COG5: variants seen among roughly 807,000 people sequenced by gnomAD.
COG5 encodes the protein conserved oligomeric Golgi complex subunit 5.
Under a neutral mutation model 110.4 loss-of-function variants are expected in COG5, and 86 were observed. That is an observed-to-expected ratio of 0.78 (90% CI 0.65 to 0.93). COG5 has a LOEUF of 0.93. Ranked by LOEUF, COG5 falls within the 40% of genes least tolerant of loss-of-function variation. The probability of loss-of-function intolerance (pLI) is 0.00; values close to 1 mark genes in which losing one functional copy is unlikely to be tolerated. For synonymous variants in COG5, 360 were observed against 334.6 expected, an observed-to-expected ratio of 1.08 and a Z score of -0.83; for missense variants, 1,077 against 987.0, an observed-to-expected ratio of 1.09 and a Z score of -1.22.
At chr7:107,282,662 C>T (rs940240992) in intron 13 of COG5, among the ~76,000 whole-genome samples, 35 of 152,088 alleles carry the variant, frequency 2.3e-4, no homozygotes, top group African/African-American at 7.7e-4. Flanking sequence ...GCTGGGGTTA[C>T]AAGCGTGCAC....
chr7:107,532,773 A>G (rs1223643892), intron 5 of COG5, among the ~76,000 whole-genome samples: 1 of 152,222 alleles, frequency 6.6e-6, no homozygotes, highest in Non-Finnish European at 1.5e-5. Context: ...CAATACACAG[A>G]AAATACCTGA....
rs377430436 is a variant in COG5 at position 107,261,402 on chromosome 7, A to C, written c.1576-3019T>G. ...CATACATTATGGCCCTTTACCCCTA[A>C]ATATTTCAATGTGTGTATTTCCTAA... On this transcript the variant is annotated intron_variant, in intron 14 of 21. Transcript: ENST00000297135. Among the ~76,000 whole-genome samples, 13 of 151,938 alleles carry C rather than the reference A, an allele frequency of 8.6e-5. No homozygotes were observed. The East Asian group carries it at 2.5e-3, about 29-fold the overall frequency.
chr7:107,292,030 C>T (rs1434091183), intron 12 of COG5, among the ~76,000 whole-genome samples: 1 of 152,004 alleles, frequency 6.6e-6, no homozygotes, highest in African/African-American at 2.4e-5. Flanking sequence ...CCTTTCTTTG[C>T]CTTTCTTTTT....
Position 107,510,447 on chromosome 7 carries a change from C to T in COG5, c.538+16790G>A, listed in dbSNP as rs538812807. 1.6e-4 allele frequency among the ~76,000 whole-genome samples: 25 copies of T among 152,232 alleles called. No individual in the cohort carries two copies. In the East Asian group the frequency reaches 1.7e-3, roughly 11 times the overall value. ...GACTTAGACTCCTACACAATAATAA[C>T]GGGAGACTTTAACAACCCACTGTCA... On this transcript the variant is annotated intron_variant, in intron 6 of 21. Transcript: ENST00000297135.
intron 6 of COG5, among the ~76,000 whole-genome samples, chr7:107,486,650 T>C (rs559496826): frequency 1.3e-5 from 2 of 152,192 alleles, no homozygotes; most frequent in South Asian, 4.1e-4. Context: ...ACAAAAACCA[T>C]AATCCCAGGA....
intron 6 of COG5, among the ~76,000 whole-genome samples, chr7:107,521,811 T>G (rs1800337006): frequency 6.6e-6 from 1 of 152,218 alleles, no homozygotes; most frequent in Non-Finnish European, 1.5e-5. Flanking sequence ...TAAATCATTC[T>G]ACTGTAAAGA....
chr7:107,215,597 G>C (rs891503089), intron 19 of COG5, among the ~76,000 whole-genome samples: 4 of 151,944 alleles, frequency 2.6e-5, no homozygotes, highest in Non-Finnish European at 5.9e-5. Context: ...CCGGGAGGCA[G>C]AGTTTGCAGT....
chr7:107,404,223 AT>A (rs1791645429), intron 7 of COG5, among the ~76,000 whole-genome samples: 1 of 152,216 alleles, frequency 6.6e-6, no homozygotes, highest in South Asian at 2.1e-4. Context: ...ATAAGAGAGG[AT>A]CATCAACACT....
At position 107,316,376 on chromosome 7, in the gene COG5, T is replaced by C. The variant is rs542785344; in HGVS notation, c.1108+8064A>G. ...TGACCTTGAAGAAGAAGTTAAGTTA[T>C]CTTCTGAGGCTCAAAGGGAGGAAAT... is the stretch of plus-strand genomic sequence containing the variant. On this transcript the variant is annotated intron_variant, in intron 11 of 21. Transcript: ENST00000297135. 1.7e-4 allele frequency among the ~76,000 whole-genome samples: 26 copies of C among 152,174 alleles called. No homozygotes were observed. The South Asian group carries it at 3.1e-3, about 18-fold the overall frequency.
At chr7:107,424,830 C>T (rs1250271840) in intron 6 of COG5, among the ~76,000 whole-genome samples, 1 of 152,098 alleles carries the variant, frequency 6.6e-6, no homozygotes, top group Admixed American at 6.5e-5. Flanking sequence ...AAGAGCTAAA[C>T]TTGATCACAT....
rs775852402 is a variant in COG5 at position 107,298,329 on chromosome 7, G to C, written c.1126C>G (p.Gln376Glu). 6.2e-7 allele frequency: 1 copy of C among 1,613,068 alleles called. No individual in the cohort carries two copies. Among genetic ancestry groups the C allele is most frequent in the Non-Finnish European group, 8.5e-7 (1 of 1,179,406 alleles). The part of the protein sequence containing the change: ...MATNSSMFLK[Q>E]AFEGEYPKLL... Reference sequence around the variant, plus strand: ...TTAGGGTATTCTCCTTCAAATGCCTGCTTCAAAAACATCGAAGCTGCCAAG... The same window carrying C: ...TTAGGGTATTCTCCTTCAAATGCCTCCTTCAAAAACATCGAAGCTGCCAAG... Residue 376 changes from glutamine (Q) to glutamate (E), a missense_variant, in exon 12 of 22, where the codon CAG becomes GAG. Transcript: ENST00000297135.
intron 6 of COG5, among the ~76,000 whole-genome samples, chr7:107,443,869 T>C (rs1038181963): frequency 6.6e-6 from 1 of 152,214 alleles, no homozygotes; most frequent in Non-Finnish European, 1.5e-5. Context: ...TACCGTCTTC[T>C]AGGTGAGCTA....
intron 18 of COG5, among the ~76,000 whole-genome samples, chr7:107,231,339 A>T (rs1015499933): frequency 3.3e-5 from 5 of 152,152 alleles, no homozygotes; most frequent in Admixed American, 1.3e-4. Context: ...GTGTTTAAAA[A>T]TTTTTCTCTT....
In COG5 at chr7:107,372,612, G is replaced by C. The variant is rs1202800081; in HGVS notation, c.818C>G (p.Ser273Cys). ...ALDIKVLTQP[S>C]QSAVRGGPGR... ...ATCCATACCTCTCACAGCTGACTGGGAAGGCTGAGTCAAAACTTTTATGTC... is the reference window on the plus strand; with the variant it reads ...ATCCATACCTCTCACAGCTGACTGGCAAGGCTGAGTCAAAACTTTTATGTC... Residue 273 changes from serine to cysteine, a missense_variant, in exon 8 of 22, where the codon TCC (serine) becomes TGC (cysteine). Ser to Cys is a moderately radical substitution (Grantham distance 112). Coordinates refer to ENST00000297135, the MANE Select transcript of COG5 (RefSeq NM_006348.5). The C allele has an allele frequency of 1.9e-5, 31 of 1,613,424 alleles. No individual in the cohort carries two copies. Among genetic ancestry groups the C allele is most frequent in the Non-Finnish European group, 2.5e-5 (29 of 1,179,762 alleles).
At chr7:107,296,663 A>T (rs1806776154) in intron 12 of COG5, among the ~76,000 whole-genome samples, 1 of 148,892 alleles carries the variant, frequency 6.7e-6, no homozygotes, top group Admixed American at 6.8e-5. Context: ...GGCTCAAGAG[A>T]CCTTCCCCAG....
chr7:107,452,316 A>G (rs1795388378), intron 6 of COG5, among the ~76,000 whole-genome samples: 1 of 152,126 alleles, frequency 6.6e-6, no homozygotes, highest in Non-Finnish European at 1.5e-5. Flanking sequence ...TAAAAGTTGA[A>G]ATTCCCTAAT....
At chr7:107,557,729 T>C (rs950773146) in intron 2 of COG5, among the ~76,000 whole-genome samples, 3 of 152,222 alleles carry the variant, frequency 2.0e-5, no homozygotes, top group Non-Finnish European at 4.4e-5. Flanking sequence ...ACTATATTCG[T>C]TGCACATCAG....
intron 6 of COG5, among the ~76,000 whole-genome samples, chr7:107,463,953 TTTTTTC>T (rs1796152656): frequency 6.6e-6 from 1 of 152,056 alleles, no homozygotes; most frequent in African/African-American, 2.4e-5. Flanking sequence ...CCTACTGTGC[TTTTTTC>T]CCACAGGACC....
chr7:107,504,089 A>C (rs1034794821), intron 6 of COG5, among the ~76,000 whole-genome samples: 6 of 152,132 alleles, frequency 3.9e-5, no homozygotes, highest in Admixed American at 1.3e-4. Context: ...CTCAGGGGGA[A>C]GGCTTTCAAC....
Sources: gnomAD v4.1 joint callset for allele counts (sites outside exome capture counted in the v4.1 genomes callset) on GRCh38, gnomAD v4.1.1 for gene constraint, MANE v1.5 for transcripts, NCBI Gene and HGNC (gene_info 2026-07-23, HGNC 2026-07-21) for gene names.